PLP1: variants seen among roughly 807,000 people sequenced by gnomAD.
PLP1 encodes the protein myelin proteolipid protein.
PLP1 carries 2 observed loss-of-function variants against 18.5 expected under a neutral mutation model. That is an observed-to-expected ratio of 0.11 (90% CI 0.04 to 0.34). PLP1 has a LOEUF of 0.34. PLP1 is among the 10% of genes least tolerant of loss of function. PLP1 has a pLI of 1.00. For synonymous variants in PLP1, 86 were observed against 83.2 expected (o/e 1.03, Z -0.19); for missense variants, 105 against 207.3 (o/e 0.51, Z 3.03).
chrX:103,787,710 G>C, intron 3 of PLP1, 88 bp from the exon 4 acceptor site: 1 of 796,056 alleles, frequency 1.3e-6, no homozygotes. Context: ...TTAATGTCTG[G>C]CACACGCCAC....
chrX:103,785,852 A>G, intron 2 of PLP1, 84 bp downstream of exon 2: 1 of 889,631 alleles, frequency 1.1e-6, no homozygotes, highest in Admixed American at 2.2e-5. Context: ...GTACCTTAGT[A>G]ACTAGCAGGG....
intron 2 of PLP1, chrX:103,786,080 C>G: frequency 9.4e-7 from 1 of 1,060,962 alleles, no homozygotes; most frequent in Non-Finnish European, 1.2e-6. Context: ...ATGGAGAAGC[C>G]AAGGGAGGCA....
chrX:103,782,438 C>T (rs1192237580), intron 1 of PLP1, among the ~76,000 whole-genome samples: 1 of 111,807 alleles, frequency 8.9e-6, no homozygotes, highest in Non-Finnish European at 1.9e-5. Flanking sequence ...GATCTGGTGA[C>T]TCAGAATTGC....
intron 1 of PLP1, chrX:103,781,057 C>T (rs957451237): frequency 4.7e-5 from 9 of 190,380 alleles, no homozygotes; most frequent in Non-Finnish European, 7.1e-5. Flanking sequence ...CCTTTGTCAG[C>T]TGGATTCAAG....
At position 103,786,613 on chromosome X, in the gene PLP1, A is replaced by G. The variant is rs1317908306; in HGVS notation, c.340A>G (p.Ser114Gly). The G allele has an allele frequency of 2.5e-6, 3 of 1,211,548 alleles. No individual in the cohort carries two copies. The Admixed American group carries it at 6.5e-5, about 26-fold the overall frequency. ...GACCACCATCTGCGGCAAGGGCCTG[A>G]GCGCAACGGTAACAGGGGGCCAGAA... ...YKTTICGKGLSATVTGGQKGR... is the reference protein window; with the variant it reads ...YKTTICGKGLGATVTGGQKGR... The change falls in exon 3 of 7, where the codon AGC (serine) becomes GGC (glycine). Residue 114 changes from serine (S) to glycine (G), a missense_variant. Coordinates refer to ENST00000621218, the MANE Select transcript of PLP1 (RefSeq NM_000533.5).
At chrX:103,786,782 G>A (rs1569427719) in intron 3 of PLP1, 56 bp downstream of exon 3, 29 of 1,154,577 alleles carry the variant, frequency 2.5e-5, no homozygotes, top group Non-Finnish European at 3.4e-5. Context: ...AATTGGGCGC[G>A]AGTCTGTGGC....
In PLP1 at chrX:103,780,194, A is replaced by G. The variant is rs759296333; in HGVS notation, c.4+3195A>G. 4 of 112,834 alleles carry G rather than the reference A, an allele frequency of 3.5e-5. No homozygotes were observed. In the East Asian group the frequency reaches 1.1e-3, roughly 32 times the overall value. 9.3% of individuals were successfully genotyped at this position (112,834 alleles called of 1,213,427 possible). ...CTAGAAAAGAGTCCCAAGGAAGAGA[A>G]TAAGGTTCCCCAAATCAGCTTCACA... is the stretch of plus-strand genomic sequence containing the variant. On this transcript the variant is annotated intron_variant, in intron 1 of 6. Transcript: ENST00000621218.
chrX:103,782,249 T>G (rs1237077228), intron 1 of PLP1, among the ~76,000 whole-genome samples: 1 of 112,317 alleles, frequency 8.9e-6, no homozygotes, highest in Non-Finnish European at 1.9e-5. Flanking sequence ...GAATTGTTTA[T>G]AGCTTAATAG....
At position 103,788,493 on chromosome X, in the gene PLP1, A is replaced by C. The variant is rs776315414; in HGVS notation, c.679A>C (p.Ile227Leu). The C allele has an allele frequency of 3.3e-6, 4 of 1,206,089 alleles. No individual in the cohort carries two copies. The highest frequency in any genetic ancestry group is 4.5e-6 in the Non-Finnish European group (4 of 890,174). ...GKVCGSNLLSICKTAEFQMTF... is the reference protein window; with the variant it reads ...GKVCGSNLLSLCKTAEFQMTF... ...GGTTTGTGGCTCCAACCTTCTGTCC[A>C]TCTGCAAAACAGCTGAGGTGAGTGG... Residue 227 changes from isoleucine to leucine, a missense_variant, in exon 5 of 7, where the codon ATC becomes CTC. Physicochemically the swap from Ile to Leu is conservative, Grantham distance 5. Transcript: ENST00000621218.
chrX:103,789,204 T>G, intron 5 of PLP1, 129 bp from the exon 6 acceptor site: 1 of 579,716 alleles, frequency 1.7e-6, no homozygotes, highest in Non-Finnish European at 3.0e-6. Context: ...AAGTGAAAAC[T>G]TAGTTAGAGA....
chrX:103,784,765 A>C (rs2074480749), intron 1 of PLP1, among the ~76,000 whole-genome samples: 1 of 112,282 alleles, frequency 8.9e-6, no homozygotes, highest in Non-Finnish European at 1.9e-5. Context: ...CTGAATTGTT[A>C]GTTGAAAATA....
rs149109043 is a variant in PLP1 at position 103,790,700 on chromosome X, C to T, written c.*102C>T. On this transcript the variant is annotated 3_prime_UTR_variant, in exon 7 of 7. Transcript: ENST00000621218. Reference sequence around the variant, plus strand: ...ACTCTTTGCCTTTGCCACCAACTGGCCCTCTTCTTACTTGATGAGTGTAAC... The same window carrying T: ...ACTCTTTGCCTTTGCCACCAACTGGTCCTCTTCTTACTTGATGAGTGTAAC... The T allele has an allele frequency of 0.019, 11,950 of 625,096 alleles. 123 individuals are homozygous for T. Among genetic ancestry groups the T allele is most frequent in the Non-Finnish European group, 0.021 (7,776 of 362,863 alleles). 51.5% of individuals were successfully genotyped at this position (625,096 alleles called of 1,213,427 possible).
intron 6 of PLP1, 50 bp downstream of exon 6, chrX:103,789,448 T>C: frequency 1.1e-6 from 1 of 921,324 alleles, no homozygotes; most frequent in Non-Finnish European, 1.6e-6. Context: ...TGAGATAGTG[T>C]GGGTACAGCT....
Position 103,789,371 on chromosome X carries a change from G to T in PLP1, c.735G>T (p.Val245=), listed in dbSNP as rs752393093. ...MTFHLFIAAF[V]GAAATLVSLL... ...TCCACCTGTTTATTGCTGCATTTGTGGGGGCTGCAGCTACACTGGTTTCCC... is the reference window on the plus strand; with the variant it reads ...TCCACCTGTTTATTGCTGCATTTGTTGGGGCTGCAGCTACACTGGTTTCCC... Residue 245 remains valine (V), a synonymous_variant, in exon 6 of 7, where the codon GTG becomes GTT. Transcript: ENST00000621218. 3 of 1,207,530 alleles carry T rather than the reference G, an allele frequency of 2.5e-6. No individual in the cohort carries two copies. Among genetic ancestry groups the T allele is most frequent in the African/African-American group, 3.5e-5 (2 of 57,729 alleles).
intron 4 of PLP1, among the ~76,000 whole-genome samples, 161 bp from the exon 5 acceptor site, chrX:103,788,276 T>C (rs2074515545): frequency 8.9e-6 from 1 of 111,961 alleles, no homozygotes; most frequent in African/African-American, 3.2e-5. Context: ...TACCACCTTC[T>C]CTTTTTTGTA....
intron 1 of PLP1, among the ~76,000 whole-genome samples, chrX:103,781,537 T>A (rs2074454351): frequency 8.9e-6 from 1 of 112,393 alleles, no homozygotes; most frequent in African/African-American, 3.2e-5. Context: ...AGATTTTGAT[T>A]CACAGACATA....
intron 1 of PLP1, among the ~76,000 whole-genome samples, chrX:103,780,433 CTCTCTCTGTGTG>C (rs1468973895): frequency 3.8e-5 from 1 of 26,595 alleles, no homozygotes; most frequent in African/African-American, 1.2e-4. Context: ...TTCATTCTGT[CTCTCTCTGTGTG>C]TGTGTGTGTG....
intron 1 of PLP1, among the ~76,000 whole-genome samples, chrX:103,783,518 A>T (rs1191880640): frequency 8.9e-6 from 1 of 111,980 alleles, no homozygotes; most frequent in Non-Finnish European, 1.9e-5. Flanking sequence ...ATTTCAGGGG[A>T]TGGTGGGTAA....
In PLP1 at chrX:103,791,687, A is replaced by C. The variant is rs1162813997; in HGVS notation, c.*1089A>C. ...ACATTTCATGTATTCCAGTTTGTTTATTACTTATTTGGGGTTGCATCAGAA... is the reference window on the plus strand; with the variant it reads ...ACATTTCATGTATTCCAGTTTGTTTCTTACTTATTTGGGGTTGCATCAGAA... On this transcript the variant is annotated 3_prime_UTR_variant, in exon 7 of 7. Transcript: ENST00000621218. The C allele has an allele frequency of 8.9e-6, 1 of 112,658 alleles. No homozygotes were observed. Among genetic ancestry groups the C allele is most frequent in the Non-Finnish European group, 1.9e-5 (1 of 53,326 alleles). The allele number at this position is 112,658 out of a possible 1,213,427, so 9.3% of individuals were successfully genotyped here.
Sources: gnomAD v4.1 joint callset for allele counts (sites outside exome capture counted in the v4.1 genomes callset) on GRCh38, gnomAD v4.1.1 for gene constraint, MANE v1.5 for transcripts, NCBI Gene and HGNC (gene_info 2026-07-23, HGNC 2026-07-21) for gene names.